The following TRMT11 variants were observed in gnomAD, a reference collection of about 807,000 sequenced individuals.
TRMT11 encodes the protein tRNA methyltransferase 11.
In TRMT11, 53 loss-of-function variants were observed where a neutral mutation model predicts 62.8. The ratio of observed to expected loss-of-function variants is 0.84; its 90% CI spans 0.68 to 1.06. TRMT11 has a LOEUF of 1.06. TRMT11 is among the 50% of genes least tolerant of loss of function. The pLI is 0.00. For synonymous variants in TRMT11, 188 were observed against 190.3 expected (o/e 0.99, Z 0.10); for missense variants, 556 against 553.4 (o/e 1.00, Z -0.05).
At chr6:126,151,635 T>C (rs1463743030) in intron 21 of TRMT11, among the ~76,000 whole-genome samples, 2 of 152,138 alleles carry the variant, frequency 1.3e-5, no homozygotes, top group Admixed American at 6.6e-5. Flanking sequence ...CCCACTTTCA[T>C]AGTATCCCCA....
chr6:126,181,204 C>T (rs1366098414), intron 1 of TRMT11, among the ~76,000 whole-genome samples: 1 of 152,122 alleles, frequency 6.6e-6, no homozygotes. Flanking sequence ...TGTTTTCACT[C>T]CCAATTATTG....
chr6:126,084,491 T>A (rs999978753), intron 17 of TRMT11, among the ~76,000 whole-genome samples: 2 of 152,146 alleles, frequency 1.3e-5, no homozygotes, highest in African/African-American at 4.8e-5. Flanking sequence ...TAACCCCTTA[T>A]CAGATATATT....
chr6:126,018,520 G>A lies in TRMT11; in HGVS notation c.1140-2640G>A, dbSNP rs545788149. ...ATACCATGAAATTCACCCCCTTAAC[G>A]TATACAACTTCATGGTTTTTAGTTT... On this transcript the variant is annotated intron_variant, in intron 11 of 12. Transcript: ENST00000334379. 1.2e-4 allele frequency among the ~76,000 whole-genome samples: 18 copies of A among 150,806 alleles called. No individual in the cohort carries two copies. In the South Asian group the frequency reaches 2.1e-3, roughly 18 times the overall value.
the TRMT11 span, among the ~76,000 whole-genome samples, chr6:126,217,743 T>C: frequency 6.6e-6 from 1 of 152,036 alleles, no homozygotes; most frequent in Non-Finnish European, 1.5e-5. Context: ...CGGTAATCAC[T>C]AGCCTGGCTA....
At chr6:126,202,335 A>G (rs777441804), downstream of TRMT11, 33 of 152,206 alleles carry the variant, frequency 2.2e-4, no homozygotes, top group Admixed American at 1.9e-3. Context: ...AAACTGGTTT[A>G]CTTGTAAAGA....
intron 20 of TRMT11, among the ~76,000 whole-genome samples, chr6:126,115,621 G>A (rs1395730747): frequency 1.3e-5 from 2 of 152,084 alleles, no homozygotes; most frequent in Non-Finnish European, 2.9e-5. Flanking sequence ...TGTTACTCAA[G>A]AAGAAGAAAC....
intron 7 of TRMT11, among the ~76,000 whole-genome samples, chr6:126,001,393 C>A (rs1792457048): frequency 6.6e-6 from 1 of 151,826 alleles, no homozygotes. Flanking sequence ...ATTTTTTCCT[C>A]ATTTTGGGTT....
At chr6:126,212,875 C>G in the TRMT11 span, among the ~76,000 whole-genome samples, 1 of 151,920 alleles carries the variant, frequency 6.6e-6, no homozygotes, top group East Asian at 1.9e-4. Flanking sequence ...AGCCTTTTCC[C>G]ATTTTAAAAA....
At chr6:125,999,973 C>CA (rs1279972473) in intron 7 of TRMT11, among the ~76,000 whole-genome samples, 1 of 151,794 alleles carries the variant, frequency 6.6e-6, no homozygotes, top group African/African-American at 2.4e-5. Context: ...ATGACAAGAT[C>CA]AAAAAAATGT....
chr6:126,110,707 C>G (rs929565897), intron 17 of TRMT11, among the ~76,000 whole-genome samples: 1 of 152,034 alleles, frequency 6.6e-6, no homozygotes, highest in African/African-American at 2.4e-5. Context: ...TGCACACACA[C>G]GTGCATACAA....
At chr6:126,223,772 GTCTT>G in the TRMT11 span, among the ~76,000 whole-genome samples, 37 of 152,092 alleles carry the variant, frequency 2.4e-4, no homozygotes, top group Non-Finnish European at 4.4e-4. Context: ...TGCTTGCTCT[GTCTT>G]TCTATCAGGG....
chr6:126,089,419 A>AAT (rs1368384658), intron 17 of TRMT11, among the ~76,000 whole-genome samples: 1 of 152,096 alleles, frequency 6.6e-6, no homozygotes, highest in East Asian at 1.9e-4. Flanking sequence ...CCCTACATGT[A>AAT]ATGTTATTTA....
At chr6:126,247,768 C>T in the TRMT11 span, among the ~76,000 whole-genome samples, 4 of 151,390 alleles carry the variant, frequency 2.6e-5, no homozygotes, top group East Asian at 1.9e-4. Context: ...GAAGATCCGT[C>T]GGGGAAAGCT....
intron 21 of TRMT11, among the ~76,000 whole-genome samples, chr6:126,130,500 T>C (rs1010772903): frequency 1.3e-5 from 2 of 152,090 alleles, no homozygotes; most frequent in Admixed American, 6.6e-5. Flanking sequence ...CTTCTGCCTG[T>C]AGGGTGTGTG....
the TRMT11 span, among the ~76,000 whole-genome samples, chr6:126,228,440 G>A: frequency 2.0e-5 from 3 of 152,128 alleles, no homozygotes; most frequent in Non-Finnish European, 2.9e-5. Flanking sequence ...TTTGCCCTGC[G>A]GTGACTCTCC....
chr6:126,095,609 A>T (rs1482407511), intron 17 of TRMT11, among the ~76,000 whole-genome samples: 3 of 152,202 alleles, frequency 2.0e-5, no homozygotes, highest in African/African-American at 7.2e-5. Context: ...TCATACATTC[A>T]AATATGAGAA....
intron 21 of TRMT11, among the ~76,000 whole-genome samples, chr6:126,142,973 T>C (rs1033055165): frequency 6.6e-6 from 1 of 152,112 alleles, no homozygotes; most frequent in Non-Finnish European, 1.5e-5. Context: ...TTGAAAATTA[T>C]AGAGTGCTAA....
chr6:126,038,201 G>A (rs577622883), intron 12 of TRMT11, among the ~76,000 whole-genome samples: 17 of 152,006 alleles, frequency 1.1e-4, no homozygotes, highest in South Asian at 8.3e-4. Context: ...AAGTTTCCAC[G>A]AATTGTTTAT....
chr6:126,130,984 T>C (rs1333208620), intron 21 of TRMT11, among the ~76,000 whole-genome samples: 1 of 152,124 alleles, frequency 6.6e-6, no homozygotes, highest in Non-Finnish European at 1.5e-5. Context: ...AGAATTTCTA[T>C]AATTACGAAG....
Sources: gnomAD v4.1 joint callset for allele counts (sites outside exome capture counted in the v4.1 genomes callset) on GRCh38, gnomAD v4.1.1 for gene constraint, MANE v1.5 for transcripts, NCBI Gene and HGNC (gene_info 2026-07-23, HGNC 2026-07-21) for gene names.